Variants in MGAM observed in about 807,000 individuals in gnomAD.
MGAM encodes maltase-glucoamylase.
A neutral mutation model predicts 358.8 loss-of-function variants in MGAM; 253 were observed. The observed-to-expected ratio is 0.71, with a 90% CI of 0.64 to 0.78. The LOEUF (loss-of-function observed/expected upper bound fraction) is 0.78. Among genes scored for constraint, MGAM ranks in the 30% least tolerant of loss-of-function variants. The pLI is 0.00. For missense variants in MGAM, 3,080 were observed against 3,432.6 expected, an observed-to-expected ratio of 0.90 and a Z score of 2.57; for synonymous variants, 1,105 against 1,227.1, an observed-to-expected ratio of 0.90 and a Z score of 2.08.
At position 142,072,353 on chromosome 7, in the gene MGAM, G is replaced by C. The variant is rs1412011378; in HGVS notation, c.5186+1235G>C. On this transcript the variant is annotated intron_variant, in intron 44 of 70. Coordinates refer to ENST00000475668, the MANE Select transcript of MGAM (RefSeq NM_001365693.1). ...TTTATCCTTTCCAACATCTGTGCCT[G>C]GTGTATTCTTAATGATCCAAATGAA... Among the ~76,000 whole-genome samples, 3 of 146,044 alleles carry C rather than the reference G, an allele frequency of 2.1e-5. 1 individual carries two copies. In the East Asian group the frequency reaches 6.0e-4, roughly 29 times the overall value.
At chr7:142,076,561 T>TG in intron 46 of MGAM, 98 bp from the exon 47 acceptor site, 1 of 1,121,746 alleles carries the variant, frequency 8.9e-7, no homozygotes, top group Non-Finnish European at 1.3e-6. Flanking sequence ...TTCATGGCAG[T>TG]GGGGGGTATC....
intron 21 of MGAM, among the ~76,000 whole-genome samples, chr7:142,045,223 A>AAT (rs796386945): frequency 0.41 from 32,769 of 79,224 alleles, 8,181 homozygotes; most frequent in Non-Finnish European, 0.5. Context: ...ATATGTATAT[A>AAT]ATATATATTA....
intron 21 of MGAM, among the ~76,000 whole-genome samples, chr7:142,044,552 T>C (rs1327615525): frequency 7.3e-6 from 1 of 137,118 alleles, no homozygotes; most frequent in Admixed American, 8.1e-5. Context: ...ATATAATGTA[T>C]ATTATATACA....
chr7:142,098,040 C>A (rs1033862601), intron 66 of MGAM, among the ~76,000 whole-genome samples: 5 of 152,024 alleles, frequency 3.3e-5, no homozygotes, highest in Non-Finnish European at 7.4e-5. Context: ...GCATAGAGGC[C>A]TTTTTGTCTC....
rs185764718 is a variant in MGAM, at chr7:142,061,311, C to T, written c.4122+938C>T. On this transcript the variant is annotated intron_variant, in intron 34 of 70. Coordinates refer to ENST00000475668, the MANE Select transcript of MGAM (RefSeq NM_001365693.1). ...CTAATTCTCCATCCCCCACCCATCC[C>T]GTCGTTTCTAACCCTGCCTGATCTG... Among the ~76,000 whole-genome samples the T allele has an allele frequency of 4.4e-3, 672 of 152,238 alleles. 3 individuals carry two copies. The highest frequency in any genetic ancestry group is 0.025 in the South Asian group (118 of 4,816).
intron 2 of MGAM, among the ~76,000 whole-genome samples, chr7:141,986,762 C>G (rs1803720706): frequency 1.3e-5 from 2 of 152,196 alleles, no homozygotes; most frequent in South Asian, 4.1e-4. Flanking sequence ...ATTACTTACT[C>G]TTCTCCAATA....
At chr7:142,066,782 C>T (rs1812802009) in intron 41 of MGAM, 61 bp downstream of exon 41, 1 of 1,498,276 alleles carries the variant, frequency 6.7e-7, no homozygotes, top group South Asian at 1.2e-5. Context: ...TATGTGGTAG[C>T]AGTTGATATA....
chr7:142,064,156 C>T (rs759171571), intron 36 of MGAM, among the ~76,000 whole-genome samples: 3 of 152,176 alleles, frequency 2.0e-5, no homozygotes, highest in Non-Finnish European at 4.4e-5. Context: ...GACAGCTGTA[C>T]GTTCTTCCTG....
chr7:142,101,945 GA>G (rs1816483334), intron 68 of MGAM, among the ~76,000 whole-genome samples: 1 of 151,504 alleles, frequency 6.6e-6, no homozygotes, highest in Admixed American at 6.6e-5. Flanking sequence ...AAAGAAAAGT[GA>G]AAGAAAAAGA....
upstream of MGAM, among the ~76,000 whole-genome samples, chr7:141,995,652 G>A (rs997026184): frequency 6.6e-6 from 1 of 152,170 alleles, no homozygotes; most frequent in Non-Finnish European, 1.5e-5. Flanking sequence ...AACATTCAGT[G>A]CCTGGAGGGG....
intron 60 of MGAM, among the ~76,000 whole-genome samples, chr7:142,093,847 A>G (rs1278356703): frequency 6.9e-6 from 1 of 145,832 alleles, no homozygotes; most frequent in Non-Finnish European, 1.6e-5. Flanking sequence ...CGGTGGTACA[A>G]CAGCTTCAGT....
chr7:142,017,322 A>G (rs1806046878), intron 3 of MGAM, among the ~76,000 whole-genome samples: 1 of 152,060 alleles, frequency 6.6e-6, no homozygotes, highest in African/African-American at 2.4e-5. Context: ...TGTGTGCCCT[A>G]ATTCTATTCA....
At chr7:142,038,484 C>T in intron 18 of MGAM, 47 bp from the exon 19 acceptor site, 2 of 1,421,588 alleles carry the variant, frequency 1.4e-6, no homozygotes, top group Non-Finnish European at 1.9e-6. Flanking sequence ...CTACAAATCT[C>T]ATTGGCAGTG....
intron 3 of MGAM, among the ~76,000 whole-genome samples, chr7:142,016,549 A>G (rs782512014): frequency 5.3e-5 from 8 of 152,110 alleles, no homozygotes; most frequent in Non-Finnish European, 1.0e-4. Flanking sequence ...TCTAATAATG[A>G]ATTTTTACTT....
At chr7:142,069,233 A>C (rs1813120722) in intron 43 of MGAM, among the ~76,000 whole-genome samples, 1 of 146,018 alleles carries the variant, frequency 6.8e-6, no homozygotes, top group African/African-American at 2.4e-5. Context: ...GAGGTATGGG[A>C]CCCAACCCTT....
intron 45 of MGAM, among the ~76,000 whole-genome samples, chr7:142,074,575 C>T (rs1813594492): frequency 6.8e-6 from 1 of 146,194 alleles, no homozygotes; most frequent in Non-Finnish European, 1.5e-5. Context: ...CTAGTGTGTA[C>T]TCAGCTAGCC....
intron 57 of MGAM, among the ~76,000 whole-genome samples, chr7:142,088,822 CATCTATCTATCT>C (rs71166559): frequency 0.026 from 3,247 of 124,806 alleles, 387 homozygotes; most frequent in Middle Eastern, 0.067. Flanking sequence ...ATCTATGTAC[CATCTATCTATCT>C]ATCTATCTAT....
intron 43 of MGAM, 44 bp from the exon 44 acceptor site, chr7:142,070,950 G>A (rs1036086956): frequency 1.3e-6 from 2 of 1,551,866 alleles, no homozygotes; most frequent in East Asian, 4.6e-5. Flanking sequence ...TCAGGGAGGG[G>A]CCTGTCCTCT....
intron 48 of MGAM, 119 bp from the exon 49 acceptor site, chr7:142,078,689 A>G (rs767554835): frequency 3.5e-6 from 4 of 1,146,378 alleles, no homozygotes; most frequent in Non-Finnish European, 4.9e-6. Context: ...GTTATTGCCA[A>G]GTGATAAGTG....
Sources: allele counts gnomAD v4.1 joint callset (sites outside exome capture counted in the v4.1 genomes callset), GRCh38; gene constraint gnomAD v4.1.1; transcripts MANE v1.5; gene names NCBI Gene and HGNC (gene_info 2026-07-23, HGNC 2026-07-21).